CNGA4: variants seen among roughly 807,000 people sequenced by gnomAD.
The protein encoded by CNGA4 is cyclic nucleotide-gated channel alpha-4.
A neutral mutation model predicts 45.6 loss-of-function variants in CNGA4; 32 were observed. That is an observed-to-expected ratio of 0.70 (90% CI 0.53 to 0.94). The LOEUF (loss-of-function observed/expected upper bound fraction) is 0.94. Among genes scored for constraint, CNGA4 ranks in the 40% least tolerant of loss-of-function variants. The pLI, the probability that CNGA4 is intolerant of heterozygous loss-of-function variation, is 0.00. For synonymous variants in CNGA4, 293 were observed against 304.6 expected, an observed-to-expected ratio of 0.96 and a Z score of 0.40; for missense variants, 726 against 755.1, an observed-to-expected ratio of 0.96 and a Z score of 0.45.
At position 6,239,465 on chromosome 11, in the gene CNGA4, C is replaced by A. The variant is rs771727779; in HGVS notation, c.144C>A (p.Asn48Lys). ...CAATGGTCTTCCCAGTCATGTATAA[C>A]CTCATCATCCTCGTGTGCAGGTATG... is the stretch of plus-strand genomic sequence containing the variant. The part of the protein sequence containing the change: ...LNTMVFPVMY[N>K]LIILVCRACF... Residue 48 changes from asparagine to lysine, a missense_variant, in exon 2 of 6, where the codon AAC becomes AAA. By Grantham distance (94) the Asn-to-Lys change is moderately conservative. Transcript: ENST00000379936. The A allele has an allele frequency of 1.2e-5, 19 of 1,614,080 alleles. No homozygotes were observed. Among genetic ancestry groups the A allele is most frequent in the Non-Finnish European group, 1.6e-5 (19 of 1,180,042 alleles).
rs776154096 is a variant in CNGA4 at position 6,240,040 on chromosome 11, G to A, written c.272-26G>A. On this transcript the variant is annotated intron_variant, in intron 3 of 5. Transcript: ENST00000379936. This position sits in a 1 kb window ranked among gnomAD's most constrained non-coding sequence, Gnocchi z 4.9. ...GCCCAAGCTTGACTACAGCAGGTCCGCTTCCTACCGGCTCCCTCTCCCCAG... is the reference window on the plus strand; with the variant it reads ...GCCCAAGCTTGACTACAGCAGGTCCACTTCCTACCGGCTCCCTCTCCCCAG... 3 of 1,581,308 alleles carry A rather than the reference G, an allele frequency of 1.9e-6. No homozygotes were observed. Among genetic ancestry groups the A allele is most frequent in the East Asian group, 2.2e-5 (1 of 44,698 alleles).
rs369394973 is a variant in CNGA4, at chr11:6,244,273, G to A, written c.1592G>A (p.Arg531Gln). The change falls in exon 6 of 6, where the codon CGG becomes CAG. Residue 531 changes from arginine (R) to glutamine (Q), a missense_variant. Physicochemically the swap from Arg to Gln is conservative, Grantham distance 43. Coordinates refer to ENST00000379936, the MANE Select transcript of CNGA4 (RefSeq NM_001037329.4). This position sits in a 1 kb window ranked among gnomAD's most constrained non-coding sequence, Gnocchi z 4.5. ...SALKIAYRIERLEWQTREWPM... is the reference protein window; with the variant it reads ...SALKIAYRIEQLEWQTREWPM... ...CTTAAGATTGCTTACCGCATTGAAC[G>A]GCTGGAGTGGCAGACTCGAGAGTGG... 34 of 1,614,016 alleles carry A rather than the reference G, an allele frequency of 2.1e-5. No homozygotes were observed. Among genetic ancestry groups the A allele is most frequent in the African/African-American group, 1.1e-4 (8 of 74,908 alleles).
At position 6,239,659 on chromosome 11, in the gene CNGA4, A is replaced by G; in HGVS notation, c.165-25A>G. ...CGCACACAGAGGGTGCCCTTAATTCAATCATGCTTAACCCTGCCCTGCAGA... is the reference window on the plus strand; with the variant it reads ...CGCACACAGAGGGTGCCCTTAATTCGATCATGCTTAACCCTGCCCTGCAGA... On this transcript the variant is annotated intron_variant, in intron 2 of 5. Transcript: ENST00000379936. 3 of 1,611,284 alleles carry G rather than the reference A, an allele frequency of 1.9e-6. No individual in the cohort carries two copies. In the South Asian group the frequency reaches 3.3e-5, roughly 18 times the overall value.
At chr11:6,243,260 T>A (rs1564879275) in intron 5 of CNGA4, among the ~76,000 whole-genome samples, 1 of 152,194 alleles carries the variant, frequency 6.6e-6, no homozygotes. Flanking sequence ...GAAAAGAGGT[T>A]TAATTGGCTC....
upstream of CNGA4, chr11:6,235,592 G>T (rs1443081399): frequency 1.0e-6 from 1 of 954,500 alleles, no homozygotes; most frequent in African/African-American, 1.8e-5. Flanking sequence ...ACAAGCAAGA[G>T]TAAGATAAAC....
upstream of CNGA4, among the ~76,000 whole-genome samples, chr11:6,238,766 T>G (rs1483060095): frequency 4.6e-5 from 7 of 152,190 alleles, no homozygotes; most frequent in East Asian, 1.3e-3. Flanking sequence ...AATAAATAAA[T>G]AGTGAGGCCC....
upstream of CNGA4, among the ~76,000 whole-genome samples, chr11:6,238,254 C>T (rs1847862442): frequency 6.6e-6 from 1 of 152,216 alleles, no homozygotes; most frequent in Admixed American, 6.5e-5. Context: ...ACCTAGCAGA[C>T]TGTGAGCTTC....
chr11:6,240,733 C>T lies in CNGA4; in HGVS notation c.917+22C>T, dbSNP rs757078257. 2.5e-6 allele frequency: 4 copies of T among 1,603,916 alleles called. No individual in the cohort carries two copies. The South Asian group carries it at 4.5e-5, about 18-fold the overall frequency. ...ACTGGTGAGAAGGCGGGGTTCCAGACCAGGACAGGGACCAGTGTAGGTGAT... is the reference window on the plus strand; with the variant it reads ...ACTGGTGAGAAGGCGGGGTTCCAGATCAGGACAGGGACCAGTGTAGGTGAT... On this transcript the variant is annotated intron_variant, in intron 4 of 5. Coordinates refer to ENST00000379936, the MANE Select transcript of CNGA4 (RefSeq NM_001037329.4). This position sits in a 1 kb window ranked among gnomAD's most constrained non-coding sequence, Gnocchi z 4.9.
chr11:6,242,495 C>T (rs1198309702), intron 5 of CNGA4, among the ~76,000 whole-genome samples: 1 of 152,092 alleles, frequency 6.6e-6, no homozygotes, highest in Non-Finnish European at 1.5e-5. Flanking sequence ...GGTAAGCACA[C>T]TGTCATGGAC....
chr11:6,240,758 T>A lies in CNGA4; in HGVS notation c.917+47T>A. On this transcript the variant is annotated intron_variant, in intron 4 of 5. Coordinates refer to ENST00000379936, the MANE Select transcript of CNGA4 (RefSeq NM_001037329.4). This position sits in a 1 kb window ranked among gnomAD's most constrained non-coding sequence, Gnocchi z 4.9. ...CCAGGACAGGGACCAGTGTAGGTGATGGAACCTGAGGGAGGTAACTGGGTC... is the reference window on the plus strand; with the variant it reads ...CCAGGACAGGGACCAGTGTAGGTGAAGGAACCTGAGGGAGGTAACTGGGTC... 6.3e-7 allele frequency: 1 copy of A among 1,577,980 alleles called. No homozygotes were observed. Among genetic ancestry groups the A allele is most frequent in the Non-Finnish European group, 8.6e-7 (1 of 1,158,958 alleles).
At chr11:6,235,376 G>C, upstream of CNGA4, 1 of 651,286 alleles carries the variant, frequency 1.5e-6, no homozygotes. Context: ...TGCATGCCCA[G>C]CTGGATTCCG....
chr11:6,236,002 T>A (rs1372355767), upstream of CNGA4, among the ~76,000 whole-genome samples: 1 of 152,108 alleles, frequency 6.6e-6, no homozygotes, highest in Non-Finnish European at 1.5e-5. Flanking sequence ...CTGGTTTTTA[T>A]CATTGTGCTA....
upstream of CNGA4, among the ~76,000 whole-genome samples, chr11:6,236,824 C>G (rs1433240396): frequency 6.6e-6 from 1 of 152,170 alleles, no homozygotes; most frequent in Admixed American, 6.5e-5. Flanking sequence ...AAACAATAGC[C>G]ATTTTATTAT....
rs1847916208 is a variant in CNGA4 at position 6,241,435 on chromosome 11, C to T, written c.922C>T (p.Gln308Ter). The change falls in exon 5 of 6, where the codon CAG becomes TAG. Residue 308 changes from glutamine (Q) to a stop codon, truncating the protein, a stop_gained. Transcript: ENST00000379936. LOFTEE classifies it high-confidence loss of function. ...KLERRVIDWY[Q>*]HLQINKKMTN... ...TGGCACTGTCCTTACTCTCAGGTAT[C>T]AGCACCTGCAGATCAACAAGAAGAT... 1 of 1,575,210 alleles carries T rather than the reference C, an allele frequency of 6.3e-7. No individual in the cohort carries two copies. Among genetic ancestry groups the T allele is most frequent in the Non-Finnish European group, 8.6e-7 (1 of 1,157,276 alleles).
rs1463140505 is a variant in CNGA4 at position 6,240,281 on chromosome 11, T to C, written c.487T>C (p.Tyr163His). The C allele has an allele frequency of 6.2e-7, 1 of 1,614,086 alleles. No homozygotes were observed. The highest frequency in any genetic ancestry group is 2.2e-5 in the East Asian group (1 of 44,896). ...CGACCGCACAGAGACCCGCACAGCTTACCCAAATGCCTTTCGCATTGCCAA... is the reference window on the plus strand; with the variant it reads ...CGACCGCACAGAGACCCGCACAGCTCACCCAAATGCCTTTCGCATTGCCAA... ...AFDRTETRTA[Y>H]PNAFRIAKLM... Residue 163 changes from tyrosine to histidine, a missense_variant, in exon 4 of 6, where the codon TAC becomes CAC. Physicochemically the swap from Tyr to His is moderately conservative, Grantham distance 83. Coordinates refer to ENST00000379936, the MANE Select transcript of CNGA4 (RefSeq NM_001037329.4). This position sits in a 1 kb window ranked among gnomAD's most constrained non-coding sequence, Gnocchi z 4.9.
chr11:6,240,586 C>CGAACCCATGATGACAG lies in CNGA4; in HGVS notation c.792_793insGAACCCATGATGACAG (p.Met265GlufsTer46), dbSNP rs768057433. ...TGGGTTTCGCCACCATCATGGGTAG[C>CGAACCCATGATGACAG]ATGAGCTCTGTCATCTACAACATGA... On this transcript the variant is annotated frameshift_variant, in exon 4 of 6. Transcript: ENST00000379936. LOFTEE classifies it high-confidence loss of function. The surrounding 1 kb of genome is among the most constrained non-coding windows in gnomAD (Gnocchi z 4.9). 16 of 1,614,250 alleles carry CGAACCCATGATGACAG rather than the reference C, an allele frequency of 9.9e-6. No individual in the cohort carries two copies. Among genetic ancestry groups the CGAACCCATGATGACAG allele is most frequent in the Non-Finnish European group, 1.4e-5 (16 of 1,180,050 alleles).
upstream of CNGA4, among the ~76,000 whole-genome samples, chr11:6,238,318 T>C (rs1847863462): frequency 6.6e-6 from 1 of 152,162 alleles, no homozygotes; most frequent in Admixed American, 6.5e-5. Flanking sequence ...TTTAGCACAA[T>C]ATTGGCCTGG....
Position 6,240,060 on chromosome 11 carries a change from C to T in CNGA4, c.272-6C>T, listed in dbSNP as rs751160947. The T allele has an allele frequency of 6.2e-7, 1 of 1,600,196 alleles. No homozygotes were observed. The highest frequency in any genetic ancestry group is 8.5e-7 in the Non-Finnish European group (1 of 1,172,610). ...GGTCCGCTTCCTACCGGCTCCCTCTCCCCAGGATTCTTGGAACAGGGCATC... is the reference window on the plus strand; with the variant it reads ...GGTCCGCTTCCTACCGGCTCCCTCTTCCCAGGATTCTTGGAACAGGGCATC... On this transcript the variant is annotated splice_region_variant and splice_polypyrimidine_tract_variant and intron_variant, in intron 3 of 5. Coordinates refer to ENST00000379936, the MANE Select transcript of CNGA4 (RefSeq NM_001037329.4). The surrounding 1 kb of genome is among the most constrained non-coding windows in gnomAD (Gnocchi z 4.9).
downstream of CNGA4, among the ~76,000 whole-genome samples, chr11:6,244,585 TACACACAC>T (rs59621297): frequency 0.037 from 5,227 of 141,836 alleles, 182 homozygotes; most frequent in African/African-American, 0.1. The surrounding 1 kb of genome is among the most constrained non-coding windows in gnomAD (Gnocchi z 4.5). Context: ...CACTTACCAG[TACACACAC>T]ACACACACAC....
Sources: allele counts gnomAD v4.1 joint callset (sites outside exome capture counted in the v4.1 genomes callset), GRCh38; gene constraint gnomAD v4.1.1; non-coding constraint Gnocchi (gnomAD v3.1); transcripts MANE v1.5; gene names NCBI Gene and HGNC (gene_info 2026-07-23, HGNC 2026-07-21).